Variants in MAPT observed in about 807,000 individuals in gnomAD.
MAPT encodes the protein microtubule associated protein tau.
Under a neutral mutation model 67.9 loss-of-function variants are expected in MAPT, and 34 were observed. The observed-to-expected ratio is 0.50, with a 90% CI of 0.38 to 0.67. The LOEUF (loss-of-function observed/expected upper bound fraction) is 0.67. Ranked by LOEUF, MAPT falls within the 30% of genes least tolerant of loss-of-function variation. MAPT has a pLI of 0.00. For synonymous variants in MAPT, 456 were observed against 464.5 expected (o/e 0.98, Z 0.23); for missense variants, 881 against 1,115.2 (o/e 0.79, Z 2.99).
chr17:45,971,837 G>A lies in MAPT; in HGVS notation c.134-22G>A. ...CGCTGGGGAGAGGCCACCGTTCTGA[G>A]GGCTCACTGTATGTGTTCCAGAATC... On this transcript the variant is annotated intron_variant, in intron 2 of 12. Coordinates refer to ENST00000262410, the MANE Select transcript of MAPT (RefSeq NM_001377265.1). The surrounding 1 kb of genome is among the most constrained non-coding windows in gnomAD (Gnocchi z 4.3). 8 of 1,566,458 alleles carry A rather than the reference G, an allele frequency of 5.1e-6. No homozygotes were observed. The highest frequency in any genetic ancestry group is 7.0e-6 in the Non-Finnish European group (8 of 1,136,586).
At position 45,991,570 on chromosome 17, in the gene MAPT, G is replaced by A; in HGVS notation, c.1716G>A (p.Lys572=). 6.2e-7 allele frequency: 1 copy of A among 1,614,144 alleles called. No individual in the cohort carries two copies. ...RIPAKTPPAP[K]TPPSSGEPPK... ...CAGCAAAAACCCCGCCCGCTCCAAAGACACCACCCAGCTCTGGTAAGAAGA... is the reference window on the plus strand; with the variant it reads ...CAGCAAAAACCCCGCCCGCTCCAAAAACACCACCCAGCTCTGGTAAGAAGA... Residue 572 remains lysine (K), a synonymous_variant, in exon 8 of 13, where the codon AAG becomes AAA. Transcript: ENST00000262410.
intron 1 of MAPT, among the ~76,000 whole-genome samples, chr17:45,914,522 G>A (rs55682376): frequency 0.14 from 21,659 of 152,178 alleles, 2,131 homozygotes; most frequent in Middle Eastern, 0.22. Flanking sequence ...AACAAGGCAG[G>A]TACTGTGTAC....
At chr17:45,927,492 C>A (rs1468450016) in intron 1 of MAPT, among the ~76,000 whole-genome samples, 1 of 152,176 alleles carries the variant, frequency 6.6e-6, no homozygotes, top group Non-Finnish European at 1.5e-5. Flanking sequence ...GGTGACTCTA[C>A]TAAGGCCAGG....
chr17:46,022,837 G>GGAA (rs2146209493), intron 12 of MAPT, among the ~76,000 whole-genome samples: 1 of 152,296 alleles, frequency 6.6e-6, no homozygotes, highest in African/African-American at 2.4e-5. Context: ...GGTTAAGGTG[G>GGAA]GAAGATTGCT....
intron 7 of MAPT, among the ~76,000 whole-genome samples, chr17:45,990,714 C>A (rs1347737377): frequency 6.6e-6 from 1 of 152,186 alleles, no homozygotes. Flanking sequence ...GACAGCATCA[C>A]GCCATAGCAA....
chr17:45,975,164 C>G (rs1247369516), intron 3 of MAPT: 2 of 152,328 alleles, frequency 1.3e-5, no homozygotes, highest in Non-Finnish European at 1.5e-5. Context: ...TCATTTCCTT[C>G]ATGTCTTCTT....
chr17:45,987,017 A>T (rs2073616172), intron 5 of MAPT, 23 bp from the exon 6 acceptor site: 2 of 1,609,164 alleles, frequency 1.2e-6, no homozygotes, highest in South Asian at 1.1e-5. Context: ...TGTGACAAGC[A>T]TTCTTATTTT....
At chr17:45,973,197 C>T (rs988539931) in intron 3 of MAPT, 3 of 152,300 alleles carry the variant, frequency 2.0e-5, no homozygotes, top group African/African-American at 7.2e-5. Flanking sequence ...TATAATGCTA[C>T]AGCTTTAGAG....
At chr17:45,976,305 G>GA (rs2072340526) in intron 3 of MAPT, 1 of 152,258 alleles carries the variant, frequency 6.6e-6, no homozygotes, top group African/African-American at 2.4e-5. Context: ...TCCCTAACCA[G>GA]AGGGGACACA....
intron 1 of MAPT, among the ~76,000 whole-genome samples, chr17:45,952,437 T>G (rs2069176442): frequency 6.6e-6 from 1 of 152,142 alleles, no homozygotes; most frequent in African/African-American, 2.4e-5. Context: ...AGACACAGGC[T>G]AAAGTAGAGT....
At chr17:45,990,134 G>T in intron 7 of MAPT, 59 bp downstream of exon 7, 1 of 1,513,398 alleles carries the variant, frequency 6.6e-7, no homozygotes, top group Non-Finnish European at 9.2e-7. Flanking sequence ...CAAATGTGGG[G>T]TTTGTTTATT....
At chr17:46,014,519 C>A (rs1252281602) in intron 11 of MAPT, among the ~76,000 whole-genome samples, 195 bp downstream of exon 11, 2 of 152,196 alleles carry the variant, frequency 1.3e-5, no homozygotes, top group African/African-American at 4.8e-5. Context: ...CCTGCCCAGG[C>A]CATGCTGCCC....
chr17:45,917,718 C>T (rs967187849), intron 1 of MAPT, among the ~76,000 whole-genome samples: 27 of 151,794 alleles, frequency 1.8e-4, no homozygotes, highest in Non-Finnish European at 3.1e-4. Context: ...ACTGCCAGCC[C>T]CTTTGGTCCA....
chr17:46,002,771 CCT>C (rs906030690), intron 9 of MAPT, among the ~76,000 whole-genome samples: 2 of 152,052 alleles, frequency 1.3e-5, no homozygotes, highest in African/African-American at 4.8e-5. Context: ...TGCTTCCTTC[CCT>C]GTGTGTATTG....
At chr17:45,904,511 G>T (rs2064159325) in intron 1 of MAPT, among the ~76,000 whole-genome samples, 1 of 146,452 alleles carries the variant, frequency 6.8e-6, no homozygotes, top group Non-Finnish European at 1.5e-5. Context: ...AACAAAACAA[G>T]ATCCTGTCTC....
chr17:45,911,307 AT>A (rs1168114080), intron 1 of MAPT, among the ~76,000 whole-genome samples: 22 of 152,342 alleles, frequency 1.4e-4, no homozygotes, highest in Middle Eastern at 3.4e-3. Flanking sequence ...GAATAAATGG[AT>A]GAGTGGGTGA....
intron 7 of MAPT, 144 bp from the exon 8 acceptor site, chr17:45,991,316 C>T: frequency 1.0e-6 from 1 of 977,174 alleles, no homozygotes; most frequent in South Asian, 1.4e-5. Flanking sequence ...TTGTAGCAGA[C>T]ACTAGTGGCA....
At chr17:45,913,341 C>G (rs2064936683) in intron 1 of MAPT, among the ~76,000 whole-genome samples, 1 of 152,182 alleles carries the variant, frequency 6.6e-6, no homozygotes, top group African/African-American at 2.4e-5. Context: ...AAAGACCTGC[C>G]CCCATGATTC....
At chr17:46,008,237 G>A (rs753551962) in intron 9 of MAPT, among the ~76,000 whole-genome samples, 2 of 152,046 alleles carry the variant, frequency 1.3e-5, no homozygotes, top group African/African-American at 4.8e-5. Flanking sequence ...GCTGGGTTGC[G>A]CACCACCATG....
Sources: allele counts gnomAD v4.1 joint callset (sites outside exome capture counted in the v4.1 genomes callset), GRCh38; gene constraint gnomAD v4.1.1; non-coding constraint Gnocchi (gnomAD v3.1); transcripts MANE v1.5; gene names NCBI Gene and HGNC (gene_info 2026-07-23, HGNC 2026-07-21).